The following PLEKHG1 variants were observed in gnomAD, a reference collection of about 807,000 sequenced individuals.
PLEKHG1 encodes pleckstrin homology and RhoGEF domain containing G1.
PLEKHG1 carries 44 observed loss-of-function variants against 100.8 expected under a neutral mutation model. The ratio of observed to expected loss-of-function variants is 0.44; its 90% CI spans 0.34 to 0.56. The LOEUF is 0.56. Ranked by LOEUF, PLEKHG1 falls within the 20% of genes least tolerant of loss-of-function variation. The pLI is 0.01. For missense variants in PLEKHG1, 1,545 were observed against 1,720.9 expected (o/e 0.90, Z 1.81); for synonymous variants, 640 against 662.5 (o/e 0.97, Z 0.52).
At position 150,804,432 on chromosome 6, in the gene PLEKHG1, C is replaced by T. The variant is rs1466613665; in HGVS notation, c.781-178C>T. On this transcript the variant is annotated intron_variant, in intron 6 of 15. Transcript: ENST00000358517. ...AACTCTGGACCTCAGGTGATCCACC[C>T]ACCTGGCCTCCCAAAGTGCTGGGAT... is the stretch of plus-strand genomic sequence containing the variant. 3.8e-4 allele frequency among the ~76,000 whole-genome samples: 57 copies of T among 151,054 alleles called. 1 individual carries two copies. Among genetic ancestry groups the T allele is most frequent in the African/African-American group, 1.4e-3 (57 of 41,198 alleles).
intron 1 of PLEKHG1, among the ~76,000 whole-genome samples, chr6:150,727,735 G>A (rs1315264759): frequency 6.6e-6 from 1 of 152,156 alleles, no homozygotes; most frequent in East Asian, 1.9e-4. Context: ...TACCAAAGGT[G>A]AGATTGATCA....
chr6:150,630,635 C>CT (rs1218305116), intron 1 of PLEKHG1, among the ~76,000 whole-genome samples: 2 of 152,180 alleles, frequency 1.3e-5, no homozygotes, highest in Non-Finnish European at 2.9e-5. Context: ...TGCATCTCAA[C>CT]TTTAAGTGGT....
chr6:150,796,013 A>G lies in PLEKHG1; in HGVS notation c.629+111A>G, dbSNP rs1406718712. ...CATTCTGTGCCTGGCCTTGTGCTGAATACTATGGGAAGAATGCAAAACGTG... is the reference window on the plus strand; with the variant it reads ...CATTCTGTGCCTGGCCTTGTGCTGAGTACTATGGGAAGAATGCAAAACGTG... On this transcript the variant is annotated intron_variant, in intron 5 of 15. Transcript: ENST00000358517. 9 of 691,412 alleles carry G rather than the reference A, an allele frequency of 1.3e-5. No individual in the cohort carries two copies. In the East Asian group the frequency reaches 2.1e-4, roughly 16 times the overall value. The allele number at this position is 691,412 out of a possible 1,614,324, so 42.8% of individuals were successfully genotyped here. A position where few individuals can be genotyped will look rare whatever the true frequency, so the allele number is the denominator to read the frequency against.
intron 5 of PLEKHG1, among the ~76,000 whole-genome samples, chr6:150,796,303 T>C (rs1344062842): frequency 1.3e-5 from 2 of 152,180 alleles, no homozygotes; most frequent in Non-Finnish European, 2.9e-5. Flanking sequence ...ACAGATTCTA[T>C]TTTTTTCCAA....
At chr6:150,651,396 G>A (rs1778725406) in intron 3 of PLEKHG1, among the ~76,000 whole-genome samples, 2 of 151,982 alleles carry the variant, frequency 1.3e-5, no homozygotes, top group African/African-American at 4.8e-5. Flanking sequence ...ACCATGACTG[G>A]CTAATTTTTG....
intron 1 of PLEKHG1, among the ~76,000 whole-genome samples, chr6:150,723,968 C>T (rs1279108467): frequency 5.3e-5 from 8 of 152,222 alleles, no homozygotes; most frequent in African/African-American, 1.4e-4. Context: ...GGGGCTGTAA[C>T]AGCCAGGGTT....
chr6:150,653,315 C>T (rs1272170980), intron 3 of PLEKHG1, among the ~76,000 whole-genome samples: 2 of 151,674 alleles, frequency 1.3e-5, no homozygotes, highest in Non-Finnish European at 2.9e-5. Flanking sequence ...ATATTTTTTC[C>T]TGGAGGAAGA....
intron 3 of PLEKHG1, among the ~76,000 whole-genome samples, chr6:150,661,728 C>A (rs1306442597): frequency 6.6e-6 from 1 of 152,042 alleles, no homozygotes; most frequent in African/African-American, 2.4e-5. Context: ...TAGAGATACG[C>A]CTATTAGCTG....
chr6:150,660,057 T>C (rs1779125963), intron 3 of PLEKHG1, among the ~76,000 whole-genome samples: 1 of 151,442 alleles, frequency 6.6e-6, no homozygotes, highest in South Asian at 2.1e-4. Flanking sequence ...TTAGCCCAAA[T>C]GTCTTTGTTC....
At chr6:150,827,001 T>C (rs1314758957) in intron 14 of PLEKHG1, among the ~76,000 whole-genome samples, 2 of 151,694 alleles carry the variant, frequency 1.3e-5, no homozygotes, top group African/African-American at 4.8e-5. Flanking sequence ...CTTTCTTTCC[T>C]TCCTTTCCTT....
intron 2 of PLEKHG1, among the ~76,000 whole-genome samples, chr6:150,748,408 TTTTA>T (rs139851151): frequency 0.18 from 26,686 of 151,928 alleles, 2,809 homozygotes; most frequent in African/African-American, 0.28. Flanking sequence ...GTAAGGAGTG[TTTTA>T]TTTGATATTT....
chr6:150,688,732 C>A (rs1003961718), intron 3 of PLEKHG1, among the ~76,000 whole-genome samples: 7 of 152,236 alleles, frequency 4.6e-5, no homozygotes, highest in African/African-American at 1.7e-4. Context: ...AAAGTAAAAA[C>A]ATAGTAAAAA....
intron 2 of PLEKHG1, among the ~76,000 whole-genome samples, chr6:150,746,160 G>A (rs1159526295): frequency 1.3e-5 from 2 of 152,168 alleles, no homozygotes; most frequent in East Asian, 1.9e-4. Context: ...GGGAGCCTTC[G>A]TGTTTTGTTC....
intron 3 of PLEKHG1, among the ~76,000 whole-genome samples, chr6:150,694,060 C>T (rs1048997550): frequency 6.6e-6 from 1 of 152,200 alleles, no homozygotes; most frequent in African/African-American, 2.4e-5. Context: ...TGACTGTGAT[C>T]CATTCAAAGA....
At chr6:150,691,318 T>C (rs1780343342) in intron 3 of PLEKHG1, among the ~76,000 whole-genome samples, 2 of 152,338 alleles carry the variant, frequency 1.3e-5, no homozygotes, top group South Asian at 4.1e-4. Flanking sequence ...TTTAAGTTAT[T>C]TAAATACAAC....
At chr6:150,721,986 T>A (rs1583002489) in intron 1 of PLEKHG1, among the ~76,000 whole-genome samples, 1 of 142,646 alleles carries the variant, frequency 7.0e-6, no homozygotes, top group East Asian at 2.1e-4. Context: ...CTTTTTCAGA[T>A]TATAAAAGTA....
intron 14 of PLEKHG1, among the ~76,000 whole-genome samples, chr6:150,824,581 G>A (rs2128682111): frequency 6.6e-6 from 1 of 151,686 alleles, no homozygotes; most frequent in Middle Eastern, 3.4e-3. Context: ...GAGTGCAGTG[G>A]TGCAATCTCA....
chr6:150,764,118 TTTTTC>T (rs1311049396), intron 2 of PLEKHG1, among the ~76,000 whole-genome samples: 6 of 68,290 alleles, frequency 8.8e-5, no homozygotes, highest in African/African-American at 8.2e-4. Context: ...TTTCTTTTTC[TTTTTC>T]TTTTTTTTTT....
intron 14 of PLEKHG1, among the ~76,000 whole-genome samples, chr6:150,824,119 T>C (rs773957799): frequency 6.6e-6 from 1 of 152,244 alleles, no homozygotes; most frequent in Non-Finnish European, 1.5e-5. Context: ...AATATGGTTC[T>C]GCTGCTGACG....
Sources: gnomAD v4.1 joint callset for allele counts (sites outside exome capture counted in the v4.1 genomes callset) on GRCh38, gnomAD v4.1.1 for gene constraint, MANE v1.5 for transcripts, NCBI Gene and HGNC (gene_info 2026-07-23, HGNC 2026-07-21) for gene names.